The following CACNG7 variants were observed in gnomAD, a reference collection of about 807,000 sequenced individuals.
CACNG7 encodes voltage-dependent calcium channel gamma-7 subunit.
In CACNG7, 9 loss-of-function variants were observed where a neutral mutation model predicts 26.3. That is an observed-to-expected ratio of 0.34 (90% CI 0.21 to 0.60). CACNG7 has a LOEUF of 0.60. Among genes scored for constraint, CACNG7 ranks in the 20% least tolerant of loss-of-function variants. CACNG7 has a pLI of 0.81. For synonymous variants in CACNG7, 170 were observed against 157.0 expected (o/e 1.08, Z -0.62); for missense variants, 297 against 380.4 (o/e 0.78, Z 1.82).
At chr19:53,925,899 A>G (rs577205428) in intron 4 of CACNG7, among the ~76,000 whole-genome samples, 31 of 152,304 alleles carry the variant, frequency 2.0e-4, no homozygotes, top group African/African-American at 6.7e-4. Context: ...CAGATGACTG[A>G]CTGGATGTGG....
intron 4 of CACNG7, among the ~76,000 whole-genome samples, chr19:53,922,227 T>G (rs1599978668): frequency 1.1e-5 from 1 of 94,608 alleles, no homozygotes; most frequent in South Asian, 3.8e-4. Context: ...GGTGGAGTTG[T>G]CCCCAGGTCT....
At chr19:53,917,936 A>G (rs972396610) in intron 4 of CACNG7, among the ~76,000 whole-genome samples, 3 of 152,218 alleles carry the variant, frequency 2.0e-5, no homozygotes, top group African/African-American at 7.2e-5. Context: ...GCCCAAGGTC[A>G]TGCTGAGGAT....
chr19:53,921,550 T>TC (rs200733724), intron 4 of CACNG7, among the ~76,000 whole-genome samples: 222 of 127,344 alleles, frequency 1.7e-3, no homozygotes, highest in African/African-American at 7.8e-3. Flanking sequence ...ATTGGTGGAG[T>TC]TGCCCCAGGC....
rs545870029 is a variant in CACNG7 at position 53,940,782 on chromosome 19, C to T, written c.425-688C>T. ...GGGCCTCATCCTTTAAGGCCGGGCG[C>T]GGTGGCTCAAACCTGTAATCTTAGC... On this transcript the variant is annotated intron_variant, in intron 4 of 5. Coordinates refer to ENST00000391767, the MANE Select transcript of CACNG7 (RefSeq NM_031896.5). This position sits in a 1 kb window ranked among gnomAD's most constrained non-coding sequence, Gnocchi z 4.1. 3.0e-4 allele frequency among the ~76,000 whole-genome samples: 45 copies of T among 152,034 alleles called. 1 individual carries two copies. In the South Asian group the frequency reaches 4.0e-3, roughly 13 times the overall value.
chr19:53,941,671 C>T lies in CACNG7; in HGVS notation c.570+56C>T, dbSNP rs575949633. On this transcript the variant is annotated intron_variant, in intron 5 of 5. Transcript: ENST00000391767. ...TCTGAATGGAGAGAGGTCTTGGGGG[C>T]CTGGTTCCTGAGTCCAGGAGGAAGG... 28 of 1,570,332 alleles carry T rather than the reference C, an allele frequency of 1.8e-5. No homozygotes were observed. The African/African-American group carries it at 3.3e-4, about 19-fold the overall frequency.
At chr19:53,921,254 G>A (rs111485753) in intron 4 of CACNG7, among the ~76,000 whole-genome samples, 2 of 100,028 alleles carry the variant, frequency 2.0e-5, no homozygotes, top group Non-Finnish European at 4.1e-5. Context: ...CATTGGTGGA[G>A]TTGCCCCAGG....
At chr19:53,926,730 T>C (rs2069033621) in intron 4 of CACNG7, among the ~76,000 whole-genome samples, 1 of 151,790 alleles carries the variant, frequency 6.6e-6, no homozygotes, top group Admixed American at 6.6e-5. Context: ...CTGGCCAACA[T>C]GGTGAAACCC....
chr19:53,919,930 G>A (rs1462039639), intron 4 of CACNG7, among the ~76,000 whole-genome samples: 5 of 134,942 alleles, frequency 3.7e-5, no homozygotes, highest in Non-Finnish European at 4.7e-5. Flanking sequence ...GTTGTCCCCA[G>A]GCCTGGTATT....
intron 4 of CACNG7, 29 bp downstream of exon 4, chr19:53,915,534 G>A (rs201185188): frequency 6.2e-7 from 1 of 1,611,486 alleles, no homozygotes; most frequent in African/African-American, 1.3e-5. Flanking sequence ...GGGTTGGGGG[G>A]GACCATTTCC....
chr19:53,923,522 CCCCAGGTCTGGTCATTGGTGGAGTTGT>C (rs1568776428), intron 4 of CACNG7, among the ~76,000 whole-genome samples: 2 of 70,616 alleles, frequency 2.8e-5, no homozygotes, highest in East Asian at 3.6e-4. Context: ...GGTGGAGTTG[CCCCAGGTCTGGTCATTGGTGGAGTTGT>C]CCCAGGTCTG....
At chr19:53,920,805 C>G (rs555081009) in intron 4 of CACNG7, among the ~76,000 whole-genome samples, 1 of 91,310 alleles carries the variant, frequency 1.1e-5, no homozygotes, top group South Asian at 3.7e-4. Flanking sequence ...GGTGGACTTG[C>G]CCCAGGCTGG....
At chr19:53,933,757 GTC>G (rs980346883) in intron 4 of CACNG7, among the ~76,000 whole-genome samples, 28 of 148,144 alleles carry the variant, frequency 1.9e-4, no homozygotes, top group African/African-American at 6.3e-4. Context: ...TTGTCTGATT[GTC>G]TCTCTTTTTG....
chr19:53,915,944 G>A (rs943042045), intron 4 of CACNG7, among the ~76,000 whole-genome samples: 2 of 152,164 alleles, frequency 1.3e-5, no homozygotes, highest in African/African-American at 4.8e-5. Flanking sequence ...CAGTTTACAA[G>A]GCTGCTTATT....
Position 53,928,613 on chromosome 19 carries a change from C to T in CACNG7, c.425-12857C>T, listed in dbSNP as rs537225523. 1.5e-3 allele frequency among the ~76,000 whole-genome samples: 234 copies of T among 151,860 alleles called. 1 individual carries two copies. The highest frequency in any genetic ancestry group is 5.6e-3 in the African/African-American group (230 of 41,422). On this transcript the variant is annotated intron_variant, in intron 4 of 5. Transcript: ENST00000391767. ...TTAGAGCTGTAATGTGAAACTTGGACCTTAAGTCTGGGGTTGGAGTGAACT... is the reference window on the plus strand; with the variant it reads ...TTAGAGCTGTAATGTGAAACTTGGATCTTAAGTCTGGGGTTGGAGTGAACT...
chr19:53,922,351 CATT>C (rs1194970964), intron 4 of CACNG7, among the ~76,000 whole-genome samples: 229 of 92,086 alleles, frequency 2.5e-3, no homozygotes, highest in African/African-American at 0.011. Flanking sequence ...CAGGCCTGGT[CATT>C]GGTGGAGTTG....
At chr19:53,920,510 T>C (rs33947192) in intron 4 of CACNG7, among the ~76,000 whole-genome samples, 2 of 17,952 alleles carry the variant, frequency 1.1e-4, no homozygotes, top group Non-Finnish European at 1.9e-4. Flanking sequence ...ATTGGTGGAG[T>C]TGCCCCAGGC....
At position 53,941,535 on chromosome 19, in the gene CACNG7, C is replaced by T. The variant is rs765401386; in HGVS notation, c.490C>T (p.Pro164Ser). Residue 164 changes from proline to serine, a missense_variant, in exon 5 of 6, where the codon CCC (proline) becomes TCC (serine). Pro to Ser is a moderately conservative substitution (Grantham distance 74). Transcript: ENST00000391767. ...CATCAACGACGAGGTCATGAACAGG[C>T]CCAGCAGCTCTGAGCAGTATTTTCA... ...SSINDEVMNR[P>S]SSSEQYFHYR... 1 of 1,605,538 alleles carries T rather than the reference C, an allele frequency of 6.2e-7. No individual in the cohort carries two copies. The highest frequency in any genetic ancestry group is 1.1e-5 in the South Asian group (1 of 89,896).
chr19:53,918,872 G>A (rs2068915717), intron 4 of CACNG7, among the ~76,000 whole-genome samples: 1 of 152,116 alleles, frequency 6.6e-6, no homozygotes. Flanking sequence ...AGGTTCAAGC[G>A]ATTCTCCTGC....
At position 53,939,587 on chromosome 19, in the gene CACNG7, T is replaced by C. The variant is rs2069125389; in HGVS notation, c.425-1883T>C. Among the ~76,000 whole-genome samples, 1 of 152,226 alleles carries C rather than the reference T, an allele frequency of 6.6e-6. No homozygotes were observed. Among genetic ancestry groups the C allele is most frequent in the Admixed American group, 6.5e-5 (1 of 15,282 alleles). ...AGCTTGCTTTCTAGGTTCATCCCTA[T>C]GGTAGCATGAATCAGTATATCGTTC... On this transcript the variant is annotated intron_variant, in intron 4 of 5. Transcript: ENST00000391767. This position sits in a 1 kb window ranked among gnomAD's most constrained non-coding sequence, Gnocchi z 4.2.
Sources: allele counts gnomAD v4.1 joint callset (sites outside exome capture counted in the v4.1 genomes callset), GRCh38; gene constraint gnomAD v4.1.1; non-coding constraint Gnocchi (gnomAD v3.1); transcripts MANE v1.5; gene names NCBI Gene and HGNC (gene_info 2026-07-23, HGNC 2026-07-21).